The following TBC1D31 variants were observed in gnomAD, a reference collection of about 807,000 sequenced individuals.
TBC1D31 encodes the protein WD repeat domain 67.
A neutral mutation model predicts 132.9 loss-of-function variants in TBC1D31; 99 were observed. The observed-to-expected ratio is 0.74, with a 90% CI of 0.63 to 0.88. TBC1D31 has a LOEUF of 0.88. Ranked by LOEUF, TBC1D31 falls within the 40% of genes least tolerant of loss-of-function variation. TBC1D31 has a pLI of 0.00. For missense variants in TBC1D31, 1,134 were observed against 1,256.6 expected (o/e 0.90, Z 1.48); for synonymous variants, 385 against 419.4 (o/e 0.92, Z 1.00).
chr8:123,094,846 T>C (rs542556905), intron 5 of TBC1D31, among the ~76,000 whole-genome samples: 2 of 152,342 alleles, frequency 1.3e-5, no homozygotes, highest in South Asian at 2.1e-4. Flanking sequence ...CGACCTATTA[T>C]CACACTTTTT....
At chr8:123,117,480 C>A (rs1819033422) in intron 10 of TBC1D31, among the ~76,000 whole-genome samples, 1 of 151,988 alleles carries the variant, frequency 6.6e-6, no homozygotes, top group Admixed American at 6.6e-5. Flanking sequence ...GTACACCAGG[C>A]GTGGTGGCTC....
intron 10 of TBC1D31, among the ~76,000 whole-genome samples, chr8:123,111,354 G>A (rs560197950): frequency 3.3e-5 from 5 of 152,200 alleles, no homozygotes; most frequent in Admixed American, 1.3e-4. Flanking sequence ...CTTGGTTACC[G>A]GAAGATACAA....
At chr8:123,082,922 A>G in intron 3 of TBC1D31, 105 bp downstream of exon 3, 2 of 710,056 alleles carry the variant, frequency 2.8e-6, no homozygotes, top group Non-Finnish European at 4.7e-6. Flanking sequence ...TCCCCATGAC[A>G]GCCCTCCCTT....
chr8:123,080,578 C>T (rs1475075979), intron 2 of TBC1D31, among the ~76,000 whole-genome samples: 1 of 139,134 alleles, frequency 7.2e-6, no homozygotes, highest in Non-Finnish European at 1.5e-5. Flanking sequence ...CACCCTGTTG[C>T]CCAGGCCGGG....
At chr8:123,076,872 C>G (rs1260390741) in intron 1 of TBC1D31, among the ~76,000 whole-genome samples, 1 of 152,080 alleles carries the variant, frequency 6.6e-6, no homozygotes, top group Non-Finnish European at 1.5e-5. Context: ...TGTTCTGTGT[C>G]TGACACAGTG....
At chr8:123,128,052 G>T (rs1820247147) in intron 13 of TBC1D31, 2 of 335,288 alleles carry the variant, frequency 6.0e-6, no homozygotes, top group South Asian at 2.0e-4. Context: ...TGTAAGAAAA[G>T]CCTTCATTTT....
intron 21 of TBC1D31, 47 bp downstream of exon 21, chr8:123,150,175 C>T: frequency 6.7e-7 from 1 of 1,492,334 alleles, no homozygotes; most frequent in Non-Finnish European, 9.3e-7. Flanking sequence ...TTAAATTTCA[C>T]AATATTTAAG....
the TBC1D31 span, among the ~76,000 whole-genome samples, chr8:123,164,586 G>A: frequency 6.6e-6 from 1 of 152,134 alleles, no homozygotes; most frequent in Non-Finnish European, 1.5e-5. Flanking sequence ...GCTGGACATG[G>A]TGGCATGTGC....
At chr8:123,132,661 A>G (rs1820745732) in intron 16 of TBC1D31, among the ~76,000 whole-genome samples, 1 of 151,962 alleles carries the variant, frequency 6.6e-6, no homozygotes, top group Non-Finnish European at 1.5e-5. Flanking sequence ...TGGTCTGCCC[A>G]CCTTGGCCTC....
At chr8:123,145,556 A>C (rs1428116843) in intron 20 of TBC1D31, among the ~76,000 whole-genome samples, 1 of 152,146 alleles carries the variant, frequency 6.6e-6, no homozygotes, top group Non-Finnish European at 1.5e-5. Flanking sequence ...AAAAATCAAA[A>C]TTATAATTTA....
intron 16 of TBC1D31, among the ~76,000 whole-genome samples, chr8:123,132,323 T>G (rs1820703653): frequency 6.6e-6 from 1 of 152,094 alleles, no homozygotes; most frequent in African/African-American, 2.4e-5. Context: ...ATTGGAATTT[T>G]TATTAGGATT....
chr8:123,089,889 G>A lies in TBC1D31; in HGVS notation c.520-3702G>A, dbSNP rs537492450. On this transcript the variant is annotated intron_variant, in intron 4 of 21. Transcript: ENST00000287380. ...AAATATTAATATATTTGAGTATGGGGCATTGCCCCAGGTCTCCTAAAGTTC... is the reference window on the plus strand; with the variant it reads ...AAATATTAATATATTTGAGTATGGGACATTGCCCCAGGTCTCCTAAAGTTC... Among the ~76,000 whole-genome samples, 3 of 152,344 alleles carry A rather than the reference G, an allele frequency of 2.0e-5. No homozygotes were observed. In the South Asian group the frequency reaches 6.2e-4, roughly 32 times the overall value.
intron 10 of TBC1D31, among the ~76,000 whole-genome samples, chr8:123,115,256 C>T (rs1342219872): frequency 6.6e-6 from 1 of 152,158 alleles, no homozygotes; most frequent in Non-Finnish European, 1.5e-5. Flanking sequence ...AAGATGGCAA[C>T]TCAGCATTGA....
At chr8:123,092,808 ATT>A (rs71573666) in intron 4 of TBC1D31, among the ~76,000 whole-genome samples, 30 of 103,502 alleles carry the variant, frequency 2.9e-4, no homozygotes, top group Non-Finnish European at 4.1e-4. Flanking sequence ...CACCCGGCTA[ATT>A]TTTTTTTTTT....
At chr8:123,149,971 T>C in intron 20 of TBC1D31, 65 bp from the exon 21 acceptor site, 1 of 1,171,726 alleles carries the variant, frequency 8.5e-7, no homozygotes, top group Non-Finnish European at 1.3e-6. Context: ...TAGGGACCAT[T>C]TGGAATTAGT....
intron 12 of TBC1D31, 75 bp from the exon 13 acceptor site, chr8:123,126,433 G>A: frequency 1.5e-6 from 2 of 1,351,344 alleles, no homozygotes. Flanking sequence ...TAAATCGAAT[G>A]TAAGGGAATA....
chr8:123,162,017 C>CAAAA, the TBC1D31 span, among the ~76,000 whole-genome samples: 28 of 76,068 alleles, frequency 3.7e-4, no homozygotes, highest in African/African-American at 1.0e-3. Flanking sequence ...GAGTCCGACT[C>CAAAA]AAAAAAAAAA....
At chr8:123,131,136 G>A (rs1820577157) in intron 16 of TBC1D31, among the ~76,000 whole-genome samples, 1 of 151,632 alleles carries the variant, frequency 6.6e-6, no homozygotes. Flanking sequence ...GGCCGAGGCA[G>A]GCAGATCACC....
At chr8:123,082,299 CTCT>C (rs1352497757) in intron 2 of TBC1D31, among the ~76,000 whole-genome samples, 2 of 151,978 alleles carry the variant, frequency 1.3e-5, no homozygotes, top group Non-Finnish European at 2.9e-5. Context: ...TCCTGATTCC[CTCT>C]TCTTCACTCC....
Sources: gnomAD v4.1 joint callset for allele counts (sites outside exome capture counted in the v4.1 genomes callset) on GRCh38, gnomAD v4.1.1 for gene constraint, MANE v1.5 for transcripts, NCBI Gene and HGNC (gene_info 2026-07-23, HGNC 2026-07-21) for gene names.